MTBP: variants seen among roughly 807,000 people sequenced by gnomAD.
MTBP encodes mdm2-binding protein.
Under a neutral mutation model 117.0 loss-of-function variants are expected in MTBP, and 101 were observed. The ratio of observed to expected loss-of-function variants is 0.86; its 90% CI spans 0.73 to 1.02. The LOEUF is 1.02. Ranked by LOEUF, MTBP falls within the 50% of genes least tolerant of loss-of-function variation. The pLI, the probability that MTBP is intolerant of heterozygous loss-of-function variation, is 0.00. For missense variants in MTBP, 970 were observed against 1,030.9 expected (o/e 0.94, Z 0.81); for synonymous variants, 350 against 351.5 (o/e 1.00, Z 0.05).
chr8:120,499,219 G>A (rs1814530784), intron 14 of MTBP, among the ~76,000 whole-genome samples: 2 of 152,114 alleles, frequency 1.3e-5, no homozygotes, highest in African/African-American at 4.8e-5. Context: ...CCTTGGACAT[G>A]TTACATTTCT....
At chr8:120,490,845 G>C (rs886598976) in intron 13 of MTBP, 1 of 231,852 alleles carries the variant, frequency 4.3e-6, no homozygotes, top group African/African-American at 2.3e-5. Context: ...TTGTATGCTA[G>C]AGAAGGTATG....
At chr8:120,495,867 T>C (rs1814443094) in intron 13 of MTBP, among the ~76,000 whole-genome samples, 1 of 152,182 alleles carries the variant, frequency 6.6e-6, no homozygotes, top group South Asian at 2.1e-4. Context: ...TACAATGCTT[T>C]TGTTTCTGCT....
At chr8:120,511,198 A>G (rs1351280405) in intron 17 of MTBP, among the ~76,000 whole-genome samples, 1 of 152,216 alleles carries the variant, frequency 6.6e-6, no homozygotes, top group East Asian at 1.9e-4. Flanking sequence ...AACATGAAAA[A>G]GGTAGGGATG....
At chr8:120,502,364 A>C (rs2130601961) in intron 14 of MTBP, 128 bp from the exon 15 acceptor site, 1 of 500,372 alleles carries the variant, frequency 2.0e-6, no homozygotes, top group East Asian at 3.2e-5. Context: ...ATAAATGCCT[A>C]AGGTAAGTAT....
At position 120,486,838 on chromosome 8, in the gene MTBP, A is replaced by G. The variant is rs980354450; in HGVS notation, c.1166-1321A>G. 3.3e-5 allele frequency among the ~76,000 whole-genome samples: 5 copies of G among 152,260 alleles called. No individual in the cohort carries two copies. In the South Asian group the frequency reaches 1.0e-3, roughly 32 times the overall value. On this transcript the variant is annotated intron_variant, in intron 11 of 21. Coordinates refer to ENST00000305949, the MANE Select transcript of MTBP (RefSeq NM_022045.5). ...CTCAACTCAATGGATAGAAGCTCCA[A>G]TCTGTCCAACGTGCTTCTTCCCAAT...
chr8:120,504,305 A>G (rs928781118), intron 15 of MTBP, among the ~76,000 whole-genome samples: 2 of 152,176 alleles, frequency 1.3e-5, no homozygotes, highest in African/African-American at 4.8e-5. Flanking sequence ...AAGATGAGTA[A>G]TTAACACCCT....
chr8:120,465,431 A>G (rs940995194), intron 10 of MTBP, among the ~76,000 whole-genome samples: 1 of 152,106 alleles, frequency 6.6e-6, no homozygotes, highest in African/African-American at 2.4e-5. Flanking sequence ...TAAAAACCAA[A>G]TTGAAATGTA....
chr8:120,486,715 T>TC (rs1461431510), intron 11 of MTBP, among the ~76,000 whole-genome samples: 1 of 152,072 alleles, frequency 6.6e-6, no homozygotes, highest in East Asian at 1.9e-4. Context: ...GGAGTTTCTG[T>TC]CCATCTGTGT....
At position 120,487,905 on chromosome 8, in the gene MTBP, T is replaced by C. The variant is rs571700183; in HGVS notation, c.1166-254T>C. On this transcript the variant is annotated intron_variant, in intron 11 of 21. Coordinates refer to ENST00000305949, the MANE Select transcript of MTBP (RefSeq NM_022045.5). ...TTTAAGAAATATACTGTAGATATGG[T>C]AAGCCATATCAAAAGTTAAAGAATG... is the stretch of plus-strand genomic sequence containing the variant. Among the ~76,000 whole-genome samples the C allele has an allele frequency of 3.3e-5, 5 of 152,376 alleles. No homozygotes were observed. The South Asian group carries it at 1.0e-3, about 32-fold the overall frequency.
At chr8:120,488,001 C>A (rs1000581532) in intron 11 of MTBP, among the ~76,000 whole-genome samples, 158 bp from the exon 12 acceptor site, 3 of 152,144 alleles carry the variant, frequency 2.0e-5, no homozygotes, top group Non-Finnish European at 4.4e-5. Context: ...GCTTTAACAG[C>A]TTTCTCAATT....
chr8:120,502,535 CAATCCTCTGG>C lies in MTBP; in HGVS notation c.1657_1666del (p.Pro553GlyfsTer20), dbSNP rs1250428346. ...CTAATTCCTCAAGTCTAATGGAAAC[CAATCCTCTGG>C]AATGGCCAGAAAGGCATGTTCTTCA... On this transcript the variant is annotated frameshift_variant, in exon 15 of 22. Transcript: ENST00000305949. LOFTEE classifies it high-confidence loss of function. 6.2e-7 allele frequency: 1 copy of C among 1,606,466 alleles called. No homozygotes were observed. Among genetic ancestry groups the C allele is most frequent in the Non-Finnish European group, 8.5e-7 (1 of 1,177,354 alleles).
intron 15 of MTBP, among the ~76,000 whole-genome samples, chr8:120,504,571 T>C (rs1333910390): frequency 6.6e-6 from 1 of 152,112 alleles, no homozygotes; most frequent in African/African-American, 2.4e-5. Flanking sequence ...TCTCTAAAAC[T>C]TTTACAATTT....
At chr8:120,479,628 AAAT>A (rs1452053387) in intron 11 of MTBP, among the ~76,000 whole-genome samples, 10 of 152,194 alleles carry the variant, frequency 6.6e-5, no homozygotes, top group African/African-American at 2.2e-4. Flanking sequence ...AAAAGGATAG[AAAT>A]AATACACACG....
At chr8:120,508,660 A>G (rs1382908057) in intron 16 of MTBP, among the ~76,000 whole-genome samples, 1 of 152,168 alleles carries the variant, frequency 6.6e-6, no homozygotes, top group Non-Finnish European at 1.5e-5. Flanking sequence ...TACCAATGCC[A>G]TAGGGGGGAA....
At chr8:120,511,245 C>G (rs1366893473) in intron 17 of MTBP, among the ~76,000 whole-genome samples, 1 of 152,134 alleles carries the variant, frequency 6.6e-6, no homozygotes, top group Non-Finnish European at 1.5e-5. Context: ...GAAGCTTTTA[C>G]TTAAACTATA....
chr8:120,450,894 A>C, intron 2 of MTBP, 109 bp from the exon 3 acceptor site: 1 of 703,142 alleles, frequency 1.4e-6, no homozygotes, highest in Non-Finnish European at 2.3e-6. Flanking sequence ...ATGTTGGATA[A>C]TTATGTAATA....
chr8:120,495,552 CTCTT>C (rs1814435606), intron 13 of MTBP, among the ~76,000 whole-genome samples: 1 of 151,968 alleles, frequency 6.6e-6, no homozygotes, highest in African/African-American at 2.4e-5. Flanking sequence ...TTCTCTCTCT[CTCTT>C]TCTCTCTCTG....
chr8:120,484,885 C>A (rs1391606618), intron 11 of MTBP, among the ~76,000 whole-genome samples: 1 of 152,140 alleles, frequency 6.6e-6, no homozygotes, highest in African/African-American at 2.4e-5. Context: ...CTGGACATGT[C>A]ATGGAAGTGT....
intron 15 of MTBP, among the ~76,000 whole-genome samples, chr8:120,503,231 T>G (rs973203931): frequency 1.3e-5 from 2 of 152,192 alleles, no homozygotes; most frequent in African/African-American, 2.4e-5. Context: ...CTTTGTTTCA[T>G]ACACATGAAA....
Sources: allele counts gnomAD v4.1 joint callset (sites outside exome capture counted in the v4.1 genomes callset), GRCh38; gene constraint gnomAD v4.1.1; transcripts MANE v1.5; gene names NCBI Gene and HGNC (gene_info 2026-07-23, HGNC 2026-07-21).